The following COL23A1 variants were observed in gnomAD, a reference collection of about 807,000 sequenced individuals.
COL23A1 encodes the protein collagen alpha-1(XXIII) chain.
In COL23A1, 97 loss-of-function variants were observed where a neutral mutation model predicts 99.3. The ratio of observed to expected loss-of-function variants is 0.98; its 90% CI spans 0.83 to 1.16. The LOEUF is 1.16. Among genes scored for constraint, COL23A1 ranks in the 50% most tolerant of loss-of-function variants. COL23A1 has a pLI of 0.00. For missense variants in COL23A1, 762 were observed against 757.4 expected (o/e 1.01, Z -0.07); for synonymous variants, 320 against 308.2 (o/e 1.04, Z -0.40).
At chr5:178,537,781 T>C (rs953779123) in intron 2 of COL23A1, among the ~76,000 whole-genome samples, 1 of 152,198 alleles carries the variant, frequency 6.6e-6, no homozygotes, top group African/African-American at 2.4e-5. Context: ...GTTTAAGTGG[T>C]AAAATACGTG....
At chr5:178,408,363 T>C (rs1467720093) in intron 2 of COL23A1, among the ~76,000 whole-genome samples, 2 of 152,172 alleles carry the variant, frequency 1.3e-5, no homozygotes, top group Non-Finnish European at 2.9e-5. Flanking sequence ...GAAGGAATAT[T>C]GGAACATCAG....
chr5:178,247,905 C>T (rs1348843605), intron 20 of COL23A1, 74 bp from the exon 21 acceptor site: 10 of 1,329,314 alleles, frequency 7.5e-6, no homozygotes, highest in South Asian at 1.3e-5. Context: ...GCTCATCGCA[C>T]ACTGCTGGAT....
chr5:178,490,368 T>C (rs1055383879), intron 2 of COL23A1, among the ~76,000 whole-genome samples: 1 of 152,004 alleles, frequency 6.6e-6, no homozygotes, highest in Non-Finnish European at 1.5e-5. Flanking sequence ...ACCGTAGAAT[T>C]CCACTGAGAA....
At chr5:178,240,986 G>A (rs772142318) in intron 27 of COL23A1, among the ~76,000 whole-genome samples, 5 of 152,118 alleles carry the variant, frequency 3.3e-5, no homozygotes, top group African/African-American at 7.2e-5. Context: ...CACACCTGTC[G>A]TCCCAGCACT....
chr5:178,313,810 G>C lies in COL23A1; in HGVS notation c.362-6891C>G, dbSNP rs531768621. Among the ~76,000 whole-genome samples the C allele has an allele frequency of 5.3e-5, 8 of 152,238 alleles. 1 individual carries two copies. The South Asian group carries it at 8.3e-4, about 16-fold the overall frequency. ...CAGTCTGGAGCTCTATGAGATTGCTGGGGCTTCAGGGCCATCAGGGGGTGC... is the reference window on the plus strand; with the variant it reads ...CAGTCTGGAGCTCTATGAGATTGCTCGGGCTTCAGGGCCATCAGGGGGTGC... On this transcript the variant is annotated intron_variant, in intron 2 of 28. Coordinates refer to ENST00000390654, the MANE Select transcript of COL23A1 (RefSeq NM_173465.4). This position sits in a 1 kb window ranked among gnomAD's most constrained non-coding sequence, Gnocchi z 4.2.
At chr5:178,287,210 C>T (rs1003673503) in intron 5 of COL23A1, among the ~76,000 whole-genome samples, 7 of 152,164 alleles carry the variant, frequency 4.6e-5, no homozygotes, top group African/African-American at 1.7e-4. Context: ...AGGGTGGGTC[C>T]CAGCTGGTTT....
At chr5:178,312,078 C>T (rs1758723724) in intron 2 of COL23A1, among the ~76,000 whole-genome samples, 1 of 152,178 alleles carries the variant, frequency 6.6e-6, no homozygotes, top group African/African-American at 2.4e-5. Context: ...GCTGGAGACA[C>T]AGTGACTGCA....
chr5:178,339,251 A>G (rs1476516770), intron 2 of COL23A1, among the ~76,000 whole-genome samples: 2 of 152,160 alleles, frequency 1.3e-5, no homozygotes, highest in Non-Finnish European at 2.9e-5. Flanking sequence ...AAAACCTCCT[A>G]AGAGATGGAC....
intron 2 of COL23A1, among the ~76,000 whole-genome samples, chr5:178,327,063 C>T (rs1759728391): frequency 6.6e-6 from 1 of 152,242 alleles, no homozygotes; most frequent in South Asian, 2.1e-4. Flanking sequence ...TGACTTTATT[C>T]ATCCAGACAA....
intron 2 of COL23A1, among the ~76,000 whole-genome samples, chr5:178,381,894 C>T (rs1763400788): frequency 6.6e-6 from 1 of 152,204 alleles, no homozygotes; most frequent in African/African-American, 2.4e-5. Context: ...CCTCGGCTTC[C>T]CAAAGTGCTG....
intron 2 of COL23A1, among the ~76,000 whole-genome samples, chr5:178,381,187 C>G (rs4976769): frequency 0.15 from 22,924 of 152,218 alleles, 2,468 homozygotes; most frequent in East Asian, 0.3. Context: ...TTGCCTTCAA[C>G]AAATAATTAG....
intron 8 of COL23A1, 92 bp downstream of exon 8, chr5:178,267,215 G>A: frequency 1.5e-6 from 2 of 1,369,932 alleles, no homozygotes; most frequent in Middle Eastern, 2.0e-4. Context: ...TGAGCTGCGG[G>A]GAGCTGGGAC....
In COL23A1 at chr5:178,560,688, G is replaced by C. The variant is rs542519231; in HGVS notation, c.355C>G (p.Pro119Ala). 2 of 1,612,866 alleles carry C rather than the reference G, an allele frequency of 1.2e-6. No individual in the cohort carries two copies. The highest frequency in any genetic ancestry group is 1.1e-5 in the South Asian group (1 of 90,726). ...GAGCTCAACCTTCACTTACCTGGGG[G>C]GCAGACACATTCGGATGGAGCTTCC... ...AREAPSECVCPPGPPGRRGKP... is the reference protein window; with the variant it reads ...AREAPSECVCAPGPPGRRGKP... Residue 119 changes from proline to alanine, a missense_variant, in exon 2 of 29, where the codon CCC (proline) becomes GCC (alanine). Physicochemically the swap from Pro to Ala is conservative, Grantham distance 27. Coordinates refer to ENST00000390654, the MANE Select transcript of COL23A1 (RefSeq NM_173465.4).
chr5:178,244,912 T>C (rs1171345864), intron 25 of COL23A1, among the ~76,000 whole-genome samples: 2 of 152,210 alleles, frequency 1.3e-5, no homozygotes, highest in African/African-American at 4.8e-5. Flanking sequence ...CTTCACTTCC[T>C]TGCTACAATG....
At chr5:178,477,641 G>A (rs1265589930) in intron 2 of COL23A1, among the ~76,000 whole-genome samples, 1 of 152,186 alleles carries the variant, frequency 6.6e-6, no homozygotes, top group Non-Finnish European at 1.5e-5. Context: ...AAGGACACCC[G>A]AAGTTCGTGT....
intron 8 of COL23A1, among the ~76,000 whole-genome samples, 191 bp downstream of exon 8, chr5:178,267,116 C>T (rs978995371): frequency 3.3e-5 from 5 of 152,226 alleles, no homozygotes; most frequent in African/African-American, 4.8e-5. Context: ...ACTCCACCTG[C>T]GCAAGAGGGG....
intron 1 of COL23A1, among the ~76,000 whole-genome samples, chr5:178,585,823 G>C (rs1246931274): frequency 1.2e-5 from 1 of 81,700 alleles, no homozygotes; most frequent in Non-Finnish European, 3.1e-5. Flanking sequence ...GCGGCAACAC[G>C]CCCAGCCTCA....
chr5:178,260,658 G>C (rs1028838919), intron 11 of COL23A1, among the ~76,000 whole-genome samples: 5 of 152,196 alleles, frequency 3.3e-5, no homozygotes, highest in African/African-American at 9.7e-5. Flanking sequence ...GCCAGGTGTG[G>C]TGGCGCACGC....
At chr5:178,355,292 A>G (rs922125353) in intron 2 of COL23A1, among the ~76,000 whole-genome samples, 6 of 152,162 alleles carry the variant, frequency 3.9e-5, no homozygotes, top group African/African-American at 1.4e-4. Context: ...AAGATAAATA[A>G]AATAAATAAA....
Sources: allele counts gnomAD v4.1 joint callset (sites outside exome capture counted in the v4.1 genomes callset), GRCh38; gene constraint gnomAD v4.1.1; non-coding constraint Gnocchi (gnomAD v3.1); transcripts MANE v1.5; gene names NCBI Gene and HGNC (gene_info 2026-07-23, HGNC 2026-07-21).